PABPC4L: variants seen among roughly 807,000 people sequenced by gnomAD.
PABPC4L encodes the protein poly(A) binding protein cytoplasmic 4 like.
For missense variants in PABPC4L, 452 were observed against 451.4 expected (o/e 1.00, Z -0.01); for synonymous variants, 169 against 164.1 (o/e 1.03, Z -0.23).
the PABPC4L span, among the ~76,000 whole-genome samples, chr4:134,055,445 A>G: frequency 1.4e-4 from 21 of 148,844 alleles, no homozygotes; most frequent in Non-Finnish European, 2.7e-4. Context: ...TCCACAAGCC[A>G]GAAAGAAAGG....
chr4:134,057,762 AT>A, the PABPC4L span, among the ~76,000 whole-genome samples: 1 of 152,084 alleles, frequency 6.6e-6, no homozygotes, highest in Admixed American at 6.6e-5. Context: ...AACCTACAGA[AT>A]TCAACACCAT....
chr4:134,089,253 T>C, the PABPC4L span, among the ~76,000 whole-genome samples: 4 of 152,134 alleles, frequency 2.6e-5, no homozygotes, highest in Admixed American at 6.6e-5. Flanking sequence ...TAGTTCTTTT[T>C]TAATAGTATT....
At chr4:134,117,034 C>CT in the PABPC4L span, among the ~76,000 whole-genome samples, 1 of 150,532 alleles carries the variant, frequency 6.6e-6, no homozygotes, top group Non-Finnish European at 1.5e-5. Flanking sequence ...TTTTCTGTCT[C>CT]TTTTTTTCTT....
the PABPC4L span, among the ~76,000 whole-genome samples, chr4:134,189,530 G>A: frequency 2.6e-5 from 4 of 151,830 alleles, no homozygotes; most frequent in African/African-American, 9.7e-5. Context: ...TATATATACA[G>A]TTTCTTTTAC....
the PABPC4L span, among the ~76,000 whole-genome samples, chr4:134,039,395 A>G: frequency 6.6e-6 from 1 of 152,038 alleles, no homozygotes; most frequent in Non-Finnish European, 1.5e-5. Context: ...TTTCTGTTTC[A>G]TTGATCTGTC....
At chr4:133,952,860 T>A in the PABPC4L span, among the ~76,000 whole-genome samples, 1 of 152,190 alleles carries the variant, frequency 6.6e-6, no homozygotes, top group Non-Finnish European at 1.5e-5. Flanking sequence ...TAATTTGTTC[T>A]GATCCCAGCC....
the PABPC4L span, among the ~76,000 whole-genome samples, chr4:134,126,006 G>A: frequency 6.6e-6 from 1 of 152,144 alleles, no homozygotes; most frequent in Admixed American, 6.6e-5. Context: ...AGTAGGATTT[G>A]ATGACATTTG....
the PABPC4L span, among the ~76,000 whole-genome samples, chr4:134,135,397 T>C: frequency 6.6e-6 from 1 of 152,144 alleles, no homozygotes; most frequent in Admixed American, 6.6e-5. Flanking sequence ...TTTCACTTCC[T>C]GTCAAATGTT....
At chr4:134,050,562 A>C in the PABPC4L span, among the ~76,000 whole-genome samples, 1 of 151,876 alleles carries the variant, frequency 6.6e-6, no homozygotes, top group Non-Finnish European at 1.5e-5. Context: ...AAGATTTGCC[A>C]GGTATGGTAG....
At chr4:134,177,265 C>G in the PABPC4L span, among the ~76,000 whole-genome samples, 1 of 151,410 alleles carries the variant, frequency 6.6e-6, no homozygotes, top group East Asian at 1.9e-4. Flanking sequence ...ACTGCAGCCT[C>G]CACCTCCTGG....
chr4:134,095,261 A>G, the PABPC4L span, among the ~76,000 whole-genome samples: 1 of 151,980 alleles, frequency 6.6e-6, no homozygotes, highest in Non-Finnish European at 1.5e-5. Flanking sequence ...AAAAGACAAC[A>G]ATTCTCTGTT....
At chr4:134,050,706 C>CAAAAAAAAAAAAAAAA in the PABPC4L span, among the ~76,000 whole-genome samples, 30 of 83,012 alleles carry the variant, frequency 3.6e-4, no homozygotes, top group African/African-American at 6.9e-4. Context: ...CACCGTCTCC[C>CAAAAAAAAAAAAAAAA]AAAAAAAAAA....
chr4:134,172,828 C>A, the PABPC4L span, among the ~76,000 whole-genome samples: 3 of 151,730 alleles, frequency 2.0e-5, no homozygotes, highest in Non-Finnish European at 4.4e-5. Context: ...TATGGAATTA[C>A]AGAGCAAAAT....
At chr4:134,177,845 GAAACACCCAGA>G in the PABPC4L span, among the ~76,000 whole-genome samples, 5 of 151,912 alleles carry the variant, frequency 3.3e-5, no homozygotes, top group African/African-American at 9.7e-5. Context: ...GTTGTCCCAG[GAAACACCCAGA>G]GTGCAGGGCT....
At chr4:134,075,730 C>G in the PABPC4L span, among the ~76,000 whole-genome samples, 58 of 151,628 alleles carry the variant, frequency 3.8e-4, no homozygotes, top group African/African-American at 1.4e-3. Context: ...TTTTTTCTTT[C>G]TTATCTATTG....
the PABPC4L span, among the ~76,000 whole-genome samples, chr4:134,158,996 A>G: frequency 6.6e-6 from 1 of 152,180 alleles, no homozygotes; most frequent in East Asian, 1.9e-4. Flanking sequence ...AAACATATTG[A>G]TACATAGAAA....
chr4:134,170,153 C>T, the PABPC4L span, among the ~76,000 whole-genome samples: 1 of 152,092 alleles, frequency 6.6e-6, no homozygotes, highest in East Asian at 1.9e-4. Flanking sequence ...GTTTTCTGTT[C>T]CTGCATTACT....
At chr4:134,012,362 G>A in the PABPC4L span, among the ~76,000 whole-genome samples, 163 of 152,140 alleles carry the variant, frequency 1.1e-3, no homozygotes, top group African/African-American at 3.8e-3. Context: ...ACATTGTCTT[G>A]TGAAATTCCT....
the PABPC4L span, among the ~76,000 whole-genome samples, chr4:134,108,150 CAGAA>C: frequency 8.8e-4 from 133 of 151,682 alleles, no homozygotes; most frequent in African/African-American, 3.1e-3. Flanking sequence ...TTATAAAATA[CAGAA>C]AAAGGTACAT....
Sources: gnomAD v4.1 joint callset for allele counts (sites outside exome capture counted in the v4.1 genomes callset) on GRCh38, gnomAD v4.1.1 for gene constraint, MANE v1.5 for transcripts, NCBI Gene and HGNC (gene_info 2026-07-23, HGNC 2026-07-21) for gene names.